EPHA5: variants seen among roughly 807,000 people sequenced by gnomAD.
EPHA5 encodes ephrin type-A receptor 5.
EPHA5 carries 60 observed loss-of-function variants against 105.0 expected under a neutral mutation model. That is an observed-to-expected ratio of 0.57 (90% CI 0.46 to 0.71). The LOEUF is 0.71. EPHA5 is among the 30% of genes least tolerant of loss of function. The pLI, the probability that EPHA5 is intolerant of heterozygous loss-of-function variation, is 0.00. For synonymous variants in EPHA5, 513 were observed against 449.1 expected (o/e 1.14, Z -1.80); for missense variants, 1,218 against 1,274.7 (o/e 0.96, Z 0.68).
chr4:65,447,206 G>A (rs1413150515), intron 5 of EPHA5, among the ~76,000 whole-genome samples: 1 of 151,758 alleles, frequency 6.6e-6, no homozygotes, highest in Non-Finnish European at 1.5e-5. Flanking sequence ...TGCGGGTTGG[G>A]GGGTGGGTAA....
chr4:65,659,914 C>T (rs1025737231), intron 1 of EPHA5, among the ~76,000 whole-genome samples: 8 of 151,986 alleles, frequency 5.3e-5, no homozygotes, highest in Non-Finnish European at 1.0e-4. Flanking sequence ...GATGAGACAT[C>T]TACATATTTC....
At chr4:65,589,391 A>G (rs1029354000) in intron 3 of EPHA5, among the ~76,000 whole-genome samples, 1 of 152,124 alleles carries the variant, frequency 6.6e-6, no homozygotes, top group Admixed American at 6.6e-5. Context: ...GAGGAGCACA[A>G]CCTGACTTAA....
At chr4:65,502,240 C>CA (rs2149243218) in intron 3 of EPHA5, among the ~76,000 whole-genome samples, 1 of 151,098 alleles carries the variant, frequency 6.6e-6, no homozygotes, top group East Asian at 1.9e-4. Flanking sequence ...GTAACAAAAA[C>CA]AAAAATGAAA....
chr4:65,484,950 G>T (rs1730739133), intron 5 of EPHA5, among the ~76,000 whole-genome samples: 1 of 152,070 alleles, frequency 6.6e-6, no homozygotes, highest in East Asian at 1.9e-4. Context: ...CAGAACAACA[G>T]AAGTGTTGTC....
chr4:65,579,443 T>C (rs1022447365), intron 3 of EPHA5, among the ~76,000 whole-genome samples: 4 of 150,072 alleles, frequency 2.7e-5, no homozygotes, highest in African/African-American at 9.7e-5. Context: ...GCAGTATAGA[T>C]TAAATAAAAT....
chr4:65,510,192 G>T (rs921654959), intron 3 of EPHA5, among the ~76,000 whole-genome samples: 2 of 131,856 alleles, frequency 1.5e-5, no homozygotes, highest in East Asian at 4.7e-4. Flanking sequence ...ATGCCACTAC[G>T]TCTGGCTAAT....
intron 3 of EPHA5, among the ~76,000 whole-genome samples, chr4:65,536,042 A>G (rs1736249715): frequency 6.6e-6 from 1 of 152,022 alleles, no homozygotes; most frequent in African/African-American, 2.4e-5. Flanking sequence ...ATATGAAGTA[A>G]TATTTGTGAT....
intron 2 of EPHA5, among the ~76,000 whole-genome samples, chr4:65,616,942 G>A (rs886901892): frequency 6.6e-6 from 1 of 152,052 alleles, no homozygotes; most frequent in Non-Finnish European, 1.5e-5. Context: ...TGAACTCTGT[G>A]AATATCTGTA....
intron 3 of EPHA5, among the ~76,000 whole-genome samples, chr4:65,596,389 A>G (rs1743188433): frequency 6.6e-6 from 1 of 152,076 alleles, no homozygotes; most frequent in Non-Finnish European, 1.5e-5. Flanking sequence ...ACAAGACAAC[A>G]TCCCCCTTCC....
chr4:65,512,041 G>T (rs1400195504), intron 3 of EPHA5, among the ~76,000 whole-genome samples: 3 of 152,134 alleles, frequency 2.0e-5, no homozygotes, highest in Admixed American at 6.6e-5. Flanking sequence ...AAGTAAAAAA[G>T]ACATGTTTGA....
intron 3 of EPHA5, among the ~76,000 whole-genome samples, chr4:65,512,463 C>A (rs1402379792): frequency 6.6e-6 from 1 of 152,044 alleles, no homozygotes; most frequent in Non-Finnish European, 1.5e-5. Flanking sequence ...GGGTTGCATC[C>A]TTCATGAATG....
chr4:65,481,944 T>C (rs1305517691), intron 5 of EPHA5, among the ~76,000 whole-genome samples: 9 of 152,170 alleles, frequency 5.9e-5, no homozygotes, highest in African/African-American at 2.2e-4. Context: ...TTCCTTTTAA[T>C]ATACAAGGAA....
At chr4:65,643,531 A>T in intron 1 of EPHA5, 104 bp from the exon 2 acceptor site, 1 of 885,338 alleles carries the variant, frequency 1.1e-6, no homozygotes, top group Non-Finnish European at 1.8e-6. Context: ...TACATAACTG[A>T]AATTAAGTGT....
rs149254145 is a variant in EPHA5 at position 65,513,770 on chromosome 4, T to G, written c.911-18227A>C. On this transcript the variant is annotated intron_variant, in intron 3 of 16. Transcript: ENST00000613740. ...GAAGTTCTACCATTTTTTATATTTA[T>G]CTTATTTAAAAAAACGTCAATACTT... is the stretch of plus-strand genomic sequence containing the variant. Among the ~76,000 whole-genome samples, 414 of 152,288 alleles carry G rather than the reference T, an allele frequency of 2.7e-3. 1 individual carries two copies. Among genetic ancestry groups the G allele is most frequent in the Non-Finnish European group, 4.4e-3 (302 of 68,024 alleles).
At chr4:65,425,765 A>G (rs1340123159) in intron 5 of EPHA5, among the ~76,000 whole-genome samples, 2 of 151,978 alleles carry the variant, frequency 1.3e-5, no homozygotes, top group South Asian at 2.1e-4. Flanking sequence ...CTGTTATCCT[A>G]ATCATTGTTA....
chr4:65,370,130 A>G (rs1220047747), intron 8 of EPHA5, among the ~76,000 whole-genome samples: 3 of 152,146 alleles, frequency 2.0e-5, no homozygotes, highest in Non-Finnish European at 2.9e-5. Flanking sequence ...TCATGGCTTC[A>G]AATTTTATTC....
chr4:65,513,448 G>A (rs1733814918), intron 3 of EPHA5, among the ~76,000 whole-genome samples: 1 of 151,906 alleles, frequency 6.6e-6, no homozygotes, highest in African/African-American at 2.4e-5. Context: ...GTGCAGTGAC[G>A]CAATCTTGGC....
At chr4:65,348,645 G>A (rs1297872408) in intron 13 of EPHA5, among the ~76,000 whole-genome samples, 3 of 105,140 alleles carry the variant, frequency 2.9e-5, no homozygotes, top group African/African-American at 7.2e-5. Flanking sequence ...AATAAGAAAA[G>A]CATAAACATT....
chr4:65,413,612 C>T (rs144014555), intron 7 of EPHA5, among the ~76,000 whole-genome samples: 300 of 152,178 alleles, frequency 2.0e-3, no homozygotes, highest in Non-Finnish European at 3.4e-3. Flanking sequence ...ATACTTCTGC[C>T]ATTTCACAAT....
Sources: gnomAD v4.1 joint callset for allele counts (sites outside exome capture counted in the v4.1 genomes callset) on GRCh38, gnomAD v4.1.1 for gene constraint, MANE v1.5 for transcripts, NCBI Gene and HGNC (gene_info 2026-07-23, HGNC 2026-07-21) for gene names.